The following FANCC variants were observed in gnomAD, a reference collection of about 807,000 sequenced individuals.
FANCC encodes the protein Fanconi anemia group C protein.
FANCC carries 55 observed loss-of-function variants against 71.3 expected under a neutral mutation model. The observed-to-expected ratio is 0.77, with a 90% CI of 0.62 to 0.97. The LOEUF (loss-of-function observed/expected upper bound fraction) is 0.97, where lower values mean the gene tolerates loss of function less well. Among genes scored for constraint, FANCC ranks in the 50% least tolerant of loss-of-function variants. FANCC has a pLI of 0.00. For missense variants in FANCC, 678 were observed against 670.9 expected, an observed-to-expected ratio of 1.01 and a Z score of -0.12; for synonymous variants, 275 against 244.9, an observed-to-expected ratio of 1.12 and a Z score of -1.15.
At chr9:95,313,463 G>A (rs865875014) in intron 1 of FANCC, among the ~76,000 whole-genome samples, 9 of 152,188 alleles carry the variant, frequency 5.9e-5, no homozygotes, top group Admixed American at 5.9e-4. Context: ...GCGTGCGCTG[G>A]AGAACCTGAA....
Position 95,171,065 on chromosome 9 carries a change from A to G in FANCC, c.521+14T>C. 1 of 1,602,458 alleles carries G rather than the reference A, an allele frequency of 6.2e-7. No homozygotes were observed. The highest frequency in any genetic ancestry group is 8.6e-7 in the Non-Finnish European group (1 of 1,169,512). Reference sequence around the variant, plus strand: ...TTGAAACCTGAGAAGAAGGATGTTTAGTTTAACACCTACCGCCTTTGAGTG... The same window carrying G: ...TTGAAACCTGAGAAGAAGGATGTTTGGTTTAACACCTACCGCCTTTGAGTG... On this transcript the variant is annotated intron_variant, in intron 6 of 14. Transcript: ENST00000289081.
At chr9:95,240,877 C>T (rs1399383150) in intron 3 of FANCC, 134 bp from the exon 4 acceptor site, 4 of 653,764 alleles carry the variant, frequency 6.1e-6, no homozygotes, top group Admixed American at 2.5e-5. Flanking sequence ...ATAACATTTG[C>T]TTTCTCGCCA....
chr9:95,244,818 T>C lies in FANCC; in HGVS notation c.250+2614A>G, dbSNP rs180854729. On this transcript the variant is annotated intron_variant, in intron 3 of 14. Coordinates refer to ENST00000289081, the MANE Select transcript of FANCC (RefSeq NM_000136.3). ...ACTTCGATCACAAGATGTGATCCAA[T>C]AGGGACAGAACATTACAGAAGGTGG... Among the ~76,000 whole-genome samples the C allele has an allele frequency of 4.1e-5, 6 of 147,588 alleles. No individual in the cohort carries two copies. In the South Asian group the frequency reaches 6.6e-4, roughly 16 times the overall value.
chr9:95,159,804 T>C (rs1398451859), intron 6 of FANCC, among the ~76,000 whole-genome samples: 1 of 152,232 alleles, frequency 6.6e-6, no homozygotes, highest in Non-Finnish European at 1.5e-5. Context: ...CATTTTTCCA[T>C]GTGTCTGTTG....
rs769938019 is a variant in FANCC, at chr9:95,282,883, T to G, written c.-78-33514A>C. Among the ~76,000 whole-genome samples, 62 of 152,002 alleles carry G rather than the reference T, an allele frequency of 4.1e-4. 1 individual carries two copies. Among genetic ancestry groups the G allele is most frequent in the Admixed American group, 2.0e-4 (3 of 15,262 alleles). On this transcript the variant is annotated intron_variant, in intron 1 of 14. Transcript: ENST00000289081. ...AAATTTAAAAATATCCTGAGACAAA[T>G]GAAAACGGAAACATAACATACCAAA...
At chr9:95,303,436 T>C (rs1834875446) in intron 1 of FANCC, among the ~76,000 whole-genome samples, 1 of 152,230 alleles carries the variant, frequency 6.6e-6, no homozygotes, top group Admixed American at 6.5e-5. Context: ...TTCACCTTTA[T>C]GAAGCTGAGG....
At chr9:95,174,525 A>G (rs1247828025) in intron 4 of FANCC, among the ~76,000 whole-genome samples, 2 of 151,756 alleles carry the variant, frequency 1.3e-5, no homozygotes, top group Non-Finnish European at 2.9e-5. Flanking sequence ...CATTTATATT[A>G]ACATTATATA....
intron 12 of FANCC, among the ~76,000 whole-genome samples, chr9:95,111,951 G>A (rs988052387): frequency 5.3e-5 from 8 of 152,222 alleles, no homozygotes; most frequent in African/African-American, 1.9e-4. Context: ...CAACAGGAAT[G>A]TGGCAGGATG....
chr9:95,282,897 T>C (rs978383626), intron 1 of FANCC, among the ~76,000 whole-genome samples: 4 of 152,194 alleles, frequency 2.6e-5, no homozygotes, highest in African/African-American at 4.8e-5. Flanking sequence ...AACGGAAACA[T>C]AACATACCAA....
chr9:95,207,126 TG>T (rs1436138750), intron 4 of FANCC, among the ~76,000 whole-genome samples: 1 of 151,862 alleles, frequency 6.6e-6, no homozygotes, highest in African/African-American at 2.4e-5. Flanking sequence ...GGCTCAAAGG[TG>T]AGCAAGGAAG....
At chr9:95,220,077 CAA>C (rs1396354506) in intron 4 of FANCC, among the ~76,000 whole-genome samples, 3 of 152,170 alleles carry the variant, frequency 2.0e-5, no homozygotes, top group Non-Finnish European at 4.4e-5. Context: ...AGACACTTCT[CAA>C]AAGAACACAT....
chr9:95,112,543 A>C (rs149528482), intron 12 of FANCC, among the ~76,000 whole-genome samples: 1 of 152,342 alleles, frequency 6.6e-6, no homozygotes, highest in African/African-American at 2.4e-5. Context: ...GGACATGGTC[A>C]GAGCTGATGC....
chr9:95,274,749 G>A (rs1368250989), intron 1 of FANCC, among the ~76,000 whole-genome samples: 1 of 152,138 alleles, frequency 6.6e-6, no homozygotes, highest in South Asian at 2.1e-4. Flanking sequence ...CATTTGTCCA[G>A]AAGTGTCTCC....
intron 2 of FANCC, among the ~76,000 whole-genome samples, chr9:95,248,438 G>C (rs1564793853): frequency 6.6e-6 from 1 of 151,930 alleles, no homozygotes. Flanking sequence ...AAAGACATAT[G>C]AACTCATATT....
chr9:95,144,876 T>G (rs898406642), intron 7 of FANCC, among the ~76,000 whole-genome samples: 4 of 152,174 alleles, frequency 2.6e-5, no homozygotes, highest in African/African-American at 7.2e-5. Context: ...ACAACGCCCT[T>G]TACTCAGTAT....
At position 95,234,537 on chromosome 9, in the gene FANCC, T is replaced by G. The variant is rs1830187637; in HGVS notation, c.345+6112A>C. Among the ~76,000 whole-genome samples, 4 of 152,204 alleles carry G rather than the reference T, an allele frequency of 2.6e-5. No homozygotes were observed. The South Asian group carries it at 8.3e-4, about 32-fold the overall frequency. On this transcript the variant is annotated intron_variant, in intron 4 of 14. Transcript: ENST00000289081. ...GTTCCAATATTAGCCAAGGCTGTCT[T>G]GATGAAGAACAAGATGGAAGAACTT... is the stretch of plus-strand genomic sequence containing the variant.
Position 95,100,415 on chromosome 9 carries a change from G to A in FANCC, c.*1292C>T. ...ACCAAAATAAGGAATTTCCCTAAAG[G>A]TTAACTTCTAATCCAGCAAAACTTT... On this transcript the variant is annotated 3_prime_UTR_variant, in exon 15 of 15. Transcript: ENST00000289081. 4.3e-6 allele frequency: 1 copy of A among 231,378 alleles called. No homozygotes were observed. Among genetic ancestry groups the A allele is most frequent in the Non-Finnish European group, 8.6e-6 (1 of 116,862 alleles). The allele number at this position is 231,378 out of a possible 1,614,324, so 14.3% of individuals were successfully genotyped here. A position where few individuals can be genotyped will look rare whatever the true frequency, so the allele number is the denominator to read the frequency against.
chr9:95,241,177 T>C (rs1356749785), intron 3 of FANCC, among the ~76,000 whole-genome samples: 1 of 152,250 alleles, frequency 6.6e-6, no homozygotes, highest in African/African-American at 2.4e-5. Context: ...GGCAACTTAA[T>C]GGTTATAGGC....
chr9:95,314,623 G>A (rs968028525), intron 1 of FANCC, among the ~76,000 whole-genome samples: 1 of 151,858 alleles, frequency 6.6e-6, no homozygotes, highest in Non-Finnish European at 1.5e-5. Context: ...CTGCACTCCA[G>A]TCTGGGCAAA....
Sources: gnomAD v4.1 joint callset for allele counts (sites outside exome capture counted in the v4.1 genomes callset) on GRCh38, gnomAD v4.1.1 for gene constraint, MANE v1.5 for transcripts, NCBI Gene and HGNC (gene_info 2026-07-23, HGNC 2026-07-21) for gene names.